CSDE1: variants seen among roughly 807,000 people sequenced by gnomAD.
CSDE1 encodes the protein cold shock domain-containing protein E1.
A neutral mutation model predicts 89.3 loss-of-function variants in CSDE1; 17 were observed. The observed-to-expected ratio is 0.19, with a 90% confidence interval of 0.13 to 0.29. CSDE1 has a LOEUF of 0.29. Among genes scored for constraint, CSDE1 ranks in the 10% least tolerant of loss-of-function variants. The pLI is 1.00. For missense variants in CSDE1, 672 were observed against 984.2 expected, an observed-to-expected ratio of 0.68 and a Z score of 4.24; for synonymous variants, 322 against 332.8, an observed-to-expected ratio of 0.97 and a Z score of 0.35.
intron 2 of CSDE1, 122 bp from the exon 3 acceptor site, chr1:114,740,012 A>C: frequency 4.0e-6 from 3 of 742,992 alleles, no homozygotes; most frequent in Non-Finnish European, 6.7e-6. Context: ...AATGAAGGGA[A>C]GATTATAGAC....
At chr1:114,730,467 C>T (rs747736298) in intron 11 of CSDE1, 41 bp downstream of exon 11, 2 of 1,611,338 alleles carry the variant, frequency 1.2e-6, no homozygotes, top group South Asian at 1.1e-5. Context: ...AAAAAGAAAG[C>T]ATCAAGAAAC....
At position 114,736,749 on chromosome 1, in the gene CSDE1, A is replaced by G; in HGVS notation, c.500+9T>C. The G allele has an allele frequency of 3.8e-6, 6 of 1,576,200 alleles. No individual in the cohort carries two copies. The highest frequency in any genetic ancestry group is 5.2e-6 in the Non-Finnish European group (6 of 1,156,540). ...CTTAGGTGAGAAAATTTAAAAAAAA[A>G]GAACTTACTGTTTATTGTTATCAAT... On this transcript the variant is annotated intron_variant, in intron 6 of 19. Transcript: ENST00000358528.
rs763990768 is a variant in CSDE1 at position 114,723,990 on chromosome 1, G to C, written c.1766C>G (p.Thr589Ser). The C allele has an allele frequency of 3.7e-6, 6 of 1,613,616 alleles. No homozygotes were observed. In the Admixed American group the frequency reaches 1.0e-4, roughly 27 times the overall value. Residue 589 changes from threonine to serine, a missense_variant, in exon 16 of 20, where the codon ACT becomes AGT. Physicochemically the swap from Thr to Ser is moderately conservative, Grantham distance 58. This residue lies in a region of CSDE1 where 206 missense variants were observed against 332.4 expected (regional missense o/e 0.62). Transcript: ENST00000358528. Reference protein sequence around the residue: ...VNKTHSVNGITEEADPTIYSG... With the variant: ...VNKTHSVNGISEEADPTIYSG... Reference sequence around the variant, plus strand: ...GTAAATGGTGGGATCAGCTTCCTCAGTAATGCCATTCACTACAAAACAAAG... The same window carrying C: ...GTAAATGGTGGGATCAGCTTCCTCACTAATGCCATTCACTACAAAACAAAG...
intron 16 of CSDE1, among the ~76,000 whole-genome samples, chr1:114,721,863 GGT>G (rs761721414): frequency 6.3e-4 from 95 of 150,590 alleles, no homozygotes; most frequent in Non-Finnish European, 9.6e-4. Flanking sequence ...TGGGTTTACA[GGT>G]GTGAGCCACC....
chr1:114,746,047 AC>A (rs1456798788), intron 2 of CSDE1, among the ~76,000 whole-genome samples: 1 of 152,116 alleles, frequency 6.6e-6, no homozygotes, highest in Non-Finnish European at 1.5e-5. Flanking sequence ...CTTGGCTTCT[AC>A]TGATTGACAA....
intron 1 of CSDE1, among the ~76,000 whole-genome samples, chr1:114,753,267 A>C (rs1375758900): frequency 3.3e-5 from 5 of 151,868 alleles, no homozygotes; most frequent in Non-Finnish European, 7.4e-5. Context: ...ATTCAGTAAC[A>C]CAAAAAAAGA....
intron 2 of CSDE1, among the ~76,000 whole-genome samples, chr1:114,742,611 T>A (rs1047698004): frequency 2.3e-4 from 35 of 151,872 alleles, no homozygotes; most frequent in African/African-American, 8.0e-4. Flanking sequence ...AATAGACAAA[T>A]GGTTGAAAGA....
At chr1:114,737,401 G>T in intron 5 of CSDE1, 70 bp downstream of exon 5, 2 of 1,249,118 alleles carry the variant, frequency 1.6e-6, no homozygotes, top group South Asian at 1.3e-5. Context: ...TTTCTATTTT[G>T]AATTTTAAAG....
At chr1:114,757,431 A>T (rs998317925) in intron 1 of CSDE1, among the ~76,000 whole-genome samples, 5 of 152,068 alleles carry the variant, frequency 3.3e-5, no homozygotes, top group African/African-American at 1.2e-4. Flanking sequence ...GTCCAGAGTC[A>T]AAGTAGGCCC....
intron 8 of CSDE1, 50 bp downstream of exon 8, chr1:114,733,939 A>G (rs1240651371): frequency 6.2e-7 from 1 of 1,607,398 alleles, no homozygotes; most frequent in East Asian, 2.2e-5. Flanking sequence ...AAAAACATAA[A>G]CCAACTCTGA....
In CSDE1 at chr1:114,719,720, A is replaced by G. The variant is rs1474378767; in HGVS notation, c.2075T>C (p.Val692Ala). 6.2e-7 allele frequency: 1 copy of G among 1,612,024 alleles called. No individual in the cohort carries two copies. The highest frequency in any genetic ancestry group is 2.2e-5 in the East Asian group (1 of 44,868). Residue 692 changes from valine (V) to alanine (A), a missense_variant, in exon 18 of 20, where the codon GTA (valine) becomes GCA (alanine). By Grantham distance (64) the Val-to-Ala change is moderately conservative. Around this residue, in one of 8 missense-constraint regions of CSDE1, gnomAD observed 206 missense variants for 332.4 expected, o/e 0.62. Coordinates refer to ENST00000358528, the MANE Select transcript of CSDE1 (RefSeq NM_001007553.3). Reference sequence around the variant, plus strand: ...GAAAAAGAGCTTCTTGCTATCTCCTACTTCATAGTTAATGAAGCCAAACTG... The same window carrying G: ...GAAAAAGAGCTTCTTGCTATCTCCTGCTTCATAGTTAATGAAGCCAAACTG... ...KDQFGFINYE[V>A]GDSKKLFFHV...
Position 114,718,620 on chromosome 1 carries a change from T to C in CSDE1, c.2342A>G (p.Asn781Ser). ...MVLRQPRGPD[N>S]SMGFGAERKI... ...CCTTGTATGCCCTCATACCATTGAG[T>C]TATCTGGTCCCCTTGGCTGACGAAG... Residue 781 changes from asparagine to serine, a missense_variant, in exon 19 of 20, where the codon AAC (asparagine) becomes AGC (serine). Physicochemically the swap from Asn to Ser is conservative, Grantham distance 46 (BLOSUM62 1). Transcript: ENST00000358528. The C allele has an allele frequency of 6.2e-7, 1 of 1,613,992 alleles. No homozygotes were observed. The highest frequency in any genetic ancestry group is 8.5e-7 in the Non-Finnish European group (1 of 1,179,958).
intron 6 of CSDE1, 37 bp downstream of exon 6, chr1:114,736,721 C>T (rs777395318): frequency 5.0e-6 from 7 of 1,387,878 alleles, no homozygotes; most frequent in East Asian, 2.3e-5. Context: ...GAAAAAAAAA[C>T]CGCTTAGGTG....
intron 2 of CSDE1, among the ~76,000 whole-genome samples, chr1:114,742,111 C>T (rs1055375061): frequency 1.3e-5 from 2 of 152,126 alleles, no homozygotes; most frequent in African/African-American, 2.4e-5. Context: ...CTAGGTTTCA[C>T]CGAGTTGGTA....
chr1:114,729,259 C>T (rs1985866), intron 12 of CSDE1, among the ~76,000 whole-genome samples: 5 of 151,696 alleles, frequency 3.3e-5, no homozygotes, highest in Non-Finnish European at 2.9e-5. Flanking sequence ...CTACTATGCC[C>T]GGCTAATTTT....
intron 1 of CSDE1, among the ~76,000 whole-genome samples, chr1:114,755,293 T>G (rs1230696257): frequency 6.6e-6 from 1 of 152,196 alleles, no homozygotes; most frequent in Non-Finnish European, 1.5e-5. Flanking sequence ...GAAGTAAATG[T>G]AAGGGTCTTG....
rs1173018655 is a variant in CSDE1 at position 114,716,921 on chromosome 1, T to C, written c.*1248A>G. On this transcript the variant is annotated 3_prime_UTR_variant, in exon 20 of 20. Transcript: ENST00000358528. ...ATAATGAAAGCGCTAGGTGCTAGTG[T>C]CTCAAAAATCAGTAAAACTTTATTC... The C allele has an allele frequency of 6.5e-6, 1 of 152,706 alleles. No individual in the cohort carries two copies. Among genetic ancestry groups the C allele is most frequent in the Admixed American group, 6.5e-5 (1 of 15,294 alleles). The allele number at this position is 152,706 out of a possible 1,614,324, so 9.5% of individuals were successfully genotyped here. A position where few individuals can be genotyped will look rare whatever the true frequency, so the allele number is the denominator to read the frequency against.
At chr1:114,752,475 C>CA (rs1280025553) in intron 1 of CSDE1, among the ~76,000 whole-genome samples, 1 of 152,144 alleles carries the variant, frequency 6.6e-6, no homozygotes, top group Non-Finnish European at 1.5e-5. Flanking sequence ...TATCTCCCCC[C>CA]AACCCCTGCT....
chr1:114,726,944 A>G (rs746823879), intron 13 of CSDE1, 39 bp downstream of exon 13: 52 of 1,335,902 alleles, frequency 3.9e-5, no homozygotes, highest in Non-Finnish European at 5.5e-5. Flanking sequence ...TTAAGATGAC[A>G]ACTCTTAACC....
Sources: allele counts gnomAD v4.1 joint callset (sites outside exome capture counted in the v4.1 genomes callset), GRCh38; gene constraint gnomAD v4.1.1; regional missense constraint gnomAD v4.1.1; transcripts MANE v1.5; gene names NCBI Gene and HGNC (gene_info 2026-07-23, HGNC 2026-07-21).